The following CFAP20DC variants were observed in gnomAD, a reference collection of about 807,000 sequenced individuals.
CFAP20DC encodes the protein CFAP20 domain containing.
CFAP20DC carries 84 observed loss-of-function variants against 101.7 expected under a neutral mutation model. The ratio of observed to expected loss-of-function variants is 0.83; its 90% CI spans 0.69 to 0.99. The LOEUF (loss-of-function observed/expected upper bound fraction) is 0.99. Among genes scored for constraint, CFAP20DC ranks in the 50% least tolerant of loss-of-function variants. The pLI, the probability that CFAP20DC is intolerant of heterozygous loss-of-function variation, is 0.00. For synonymous variants in CFAP20DC, 359 were observed against 351.2 expected, an observed-to-expected ratio of 1.02 and a Z score of -0.25; for missense variants, 1,007 against 970.3, an observed-to-expected ratio of 1.04 and a Z score of -0.50.
At chr3:58,811,984 G>A (rs903490305) in intron 14 of CFAP20DC, among the ~76,000 whole-genome samples, 1 of 152,106 alleles carries the variant, frequency 6.6e-6, no homozygotes, top group African/African-American at 2.4e-5. Flanking sequence ...TCAGAGAAAT[G>A]CAAATCAAAA....
chr3:58,994,575 C>G (rs2093050958), intron 4 of CFAP20DC, among the ~76,000 whole-genome samples: 2 of 152,068 alleles, frequency 1.3e-5, no homozygotes, highest in South Asian at 4.1e-4. Context: ...AACAATAATG[C>G]CTTCCCCCTT....
intron 5 of CFAP20DC, among the ~76,000 whole-genome samples, chr3:58,920,616 A>G (rs1322226916): frequency 6.6e-6 from 1 of 152,082 alleles, no homozygotes; most frequent in Admixed American, 6.6e-5. Context: ...TTCCCCCTTT[A>G]TTATGCTAAT....
chr3:58,735,342 G>C (rs2067727328), intron 3 of CFAP20DC, among the ~76,000 whole-genome samples: 1 of 152,182 alleles, frequency 6.6e-6, no homozygotes, highest in South Asian at 2.1e-4. Context: ...AAACAAAATA[G>C]GTCATGTTTT....
chr3:58,931,238 C>T (rs2086629270), intron 5 of CFAP20DC, among the ~76,000 whole-genome samples: 1 of 152,104 alleles, frequency 6.6e-6, no homozygotes, highest in South Asian at 2.1e-4. Flanking sequence ...CGCCATTGCC[C>T]AGGCTTGCTT....
At chr3:59,032,369 G>A (rs1018160662) in intron 4 of CFAP20DC, among the ~76,000 whole-genome samples, 1 of 152,066 alleles carries the variant, frequency 6.6e-6, no homozygotes, top group African/African-American at 2.4e-5. Flanking sequence ...CCCCGGGAAA[G>A]GGGGCTGAAG....
At chr3:58,962,002 T>G (rs2091181255) in intron 4 of CFAP20DC, among the ~76,000 whole-genome samples, 1 of 152,222 alleles carries the variant, frequency 6.6e-6, no homozygotes, top group South Asian at 2.1e-4. Flanking sequence ...CTGTTCTGTT[T>G]TTACTCTTTT....
chr3:58,723,466 C>T (rs2067501120), intron 3 of CFAP20DC, among the ~76,000 whole-genome samples: 2 of 152,244 alleles, frequency 1.3e-5, no homozygotes, highest in South Asian at 2.1e-4. Context: ...TATTTATATT[C>T]TCTCTTTACA....
At chr3:58,758,862 A>T (rs9867873) in intron 15 of CFAP20DC, among the ~76,000 whole-genome samples, 17,509 of 151,572 alleles carry the variant, frequency 0.12, 1,786 homozygotes, top group East Asian at 0.35. Context: ...ACAAAGGACA[A>T]GAACTCATCC....
At chr3:58,759,429 T>A (rs2069309336) in intron 15 of CFAP20DC, among the ~76,000 whole-genome samples, 1 of 152,238 alleles carries the variant, frequency 6.6e-6, no homozygotes, top group African/African-American at 2.4e-5. Flanking sequence ...AGATTCTGGA[T>A]ATTAGCCCTT....
At chr3:58,807,222 C>T (rs1290955531) in intron 14 of CFAP20DC, among the ~76,000 whole-genome samples, 2 of 152,172 alleles carry the variant, frequency 1.3e-5, no homozygotes, top group East Asian at 1.9e-4. Context: ...GTGGTTCTCC[C>T]AGCACGCAGC....
At chr3:58,773,425 T>G (rs1238465499) in intron 15 of CFAP20DC, among the ~76,000 whole-genome samples, 2 of 147,528 alleles carry the variant, frequency 1.4e-5, no homozygotes, top group African/African-American at 5.0e-5. Flanking sequence ...GAAAAAAAAG[T>G]AGTCCCAGCT....
chr3:59,012,744 T>C (rs2093611766), intron 4 of CFAP20DC, among the ~76,000 whole-genome samples: 2 of 152,076 alleles, frequency 1.3e-5, no homozygotes, highest in African/African-American at 4.8e-5. Flanking sequence ...AACATAGCAA[T>C]TGATCAAAGA....
At chr3:58,891,684 G>A (rs2106829762) in intron 6 of CFAP20DC, among the ~76,000 whole-genome samples, 1 of 151,886 alleles carries the variant, frequency 6.6e-6, no homozygotes, top group African/African-American at 2.4e-5. Flanking sequence ...AATTTCTTAA[G>A]TTCCTTGTAG....
At chr3:58,769,552 A>G (rs1469545250) in intron 15 of CFAP20DC, among the ~76,000 whole-genome samples, 4 of 152,188 alleles carry the variant, frequency 2.6e-5, no homozygotes, top group Non-Finnish European at 5.9e-5. Flanking sequence ...AGATGGGAAA[A>G]TGGATGAGTT....
Position 58,831,801 on chromosome 3 carries a change from T to C in CFAP20DC, c.2060A>G (p.Glu687Gly). 1.9e-6 allele frequency: 3 copies of C among 1,614,084 alleles called. No individual in the cohort carries two copies. Among genetic ancestry groups the C allele is most frequent in the Non-Finnish European group, 2.5e-6 (3 of 1,179,972 alleles). ...ATGGGAGGTCCCAGCATCCTCCAGT[T>C]CTTCATTTTGTTGCCACCGTAGGCT... ...LASLRWQQNE[E>G]LEDAGTSHGL... Residue 687 changes from glutamate (E) to glycine (G), a missense_variant, in exon 14 of 17, where the codon GAA (glutamate) becomes GGA (glycine). Coordinates refer to ENST00000482387, the MANE Select transcript of CFAP20DC (RefSeq NM_001394063.1).
At chr3:58,977,232 G>C (rs1298239117) in intron 4 of CFAP20DC, among the ~76,000 whole-genome samples, 1 of 152,044 alleles carries the variant, frequency 6.6e-6, no homozygotes, top group Non-Finnish European at 1.5e-5. Context: ...TGTTAAATGA[G>C]GCTAAAACCT....
chr3:58,825,515 G>A (rs1396236800), intron 14 of CFAP20DC, among the ~76,000 whole-genome samples: 1 of 148,118 alleles, frequency 6.8e-6, no homozygotes. Flanking sequence ...ATTGATAGCT[G>A]TTCCTGTTCC....
At position 58,892,041 on chromosome 3, in the gene CFAP20DC, T is replaced by C. The variant is rs2082299092; in HGVS notation, c.551-7332A>G. The stretch of plus-strand genomic sequence containing the variant: ...GTAAGAAAGGGGTCCAGCTTCAATC[T>C]GATGCATATGGCTAACCAGTTATCC... On this transcript the variant is annotated intron_variant, in intron 6 of 16. Transcript: ENST00000482387. The surrounding 1 kb of genome is among the most constrained non-coding windows in gnomAD (Gnocchi z 4.0). 6.6e-6 allele frequency among the ~76,000 whole-genome samples: 1 copy of C among 152,256 alleles called. No individual in the cohort carries two copies. Among genetic ancestry groups the C allele is most frequent in the African/African-American group, 2.4e-5 (1 of 41,468 alleles).
chr3:58,937,852 T>G (rs2087925693), intron 4 of CFAP20DC, 90 bp from the exon 5 acceptor site: 1 of 729,810 alleles, frequency 1.4e-6, no homozygotes, highest in African/African-American at 1.8e-5. Flanking sequence ...TAATTTATCA[T>G]ACAGACCCTT....
Sources: allele counts gnomAD v4.1 joint callset (sites outside exome capture counted in the v4.1 genomes callset), GRCh38; gene constraint gnomAD v4.1.1; non-coding constraint Gnocchi (gnomAD v3.1); transcripts MANE v1.5; gene names NCBI Gene and HGNC (gene_info 2026-07-23, HGNC 2026-07-21).